STK32B: variants seen among roughly 807,000 people sequenced by gnomAD.
STK32B encodes serine/threonine kinase 32B.
STK32B carries 43 observed loss-of-function variants against 52.6 expected under a neutral mutation model. That is an observed-to-expected ratio of 0.82 (90% CI 0.64 to 1.05). STK32B has a LOEUF of 1.05. STK32B is among the 50% of genes least tolerant of loss of function. The probability of loss-of-function intolerance (pLI) is 0.00; values close to 1 mark genes in which losing one functional copy is unlikely to be tolerated. For missense variants in STK32B, 621 were observed against 534.6 expected (o/e 1.16, Z -1.59); for synonymous variants, 238 against 204.3 (o/e 1.17, Z -1.41).
chr4:5,088,547 C>T (rs188254593), intron 1 of STK32B, among the ~76,000 whole-genome samples: 38 of 151,958 alleles, frequency 2.5e-4, no homozygotes, highest in African/African-American at 8.2e-4. Context: ...AGTATTTGAT[C>T]GTACAATAGG....
intron 1 of STK32B, among the ~76,000 whole-genome samples, chr4:5,118,330 A>G (rs1298081241): frequency 6.6e-6 from 1 of 152,108 alleles, no homozygotes; most frequent in Non-Finnish European, 1.5e-5. Flanking sequence ...TAGGTAATCC[A>G]GTTTTGACTG....
chr4:5,239,522 C>T, intron 3 of STK32B, among the ~76,000 whole-genome samples: 1 of 152,046 alleles, frequency 6.6e-6, no homozygotes, highest in Non-Finnish European at 1.5e-5. Flanking sequence ...CTGGCTCTCC[C>T]TAAGCATGCG....
chr4:5,140,231 G>A, intron 2 of STK32B: 1 of 1,461,268 alleles, frequency 6.8e-7, no homozygotes, highest in East Asian at 2.9e-5. Flanking sequence ...GAGAATCTAA[G>A]TGAGGAAAGT....
At chr4:5,080,020 AC>A (rs1712319486) in intron 1 of STK32B, among the ~76,000 whole-genome samples, 1 of 148,296 alleles carries the variant, frequency 6.7e-6, no homozygotes, top group Admixed American at 6.9e-5. Context: ...ATAAGATCAA[AC>A]CGTTCTGGAG....
At chr4:5,430,689 T>A (rs2654501) in intron 6 of STK32B, among the ~76,000 whole-genome samples, 1 of 135,332 alleles carries the variant, frequency 7.4e-6, no homozygotes, top group Non-Finnish European at 1.6e-5. Flanking sequence ...TTTACTACTA[T>A]GCTTTTAGTT....
rs936701041 is a variant in STK32B at position 5,470,955 on chromosome 4, C to T, written c.1106+2885C>T. On this transcript the variant is annotated intron_variant, in intron 11 of 11. Coordinates refer to ENST00000282908, the MANE Select transcript of STK32B (RefSeq NM_018401.3). This position sits in a 1 kb window ranked among gnomAD's most constrained non-coding sequence, Gnocchi z 4.6. ...AAGCCAGGCTTGTCGTCATGCTCCG[C>T]CTGGACCACGTCCCCGGTCCCCAGC... Among the ~76,000 whole-genome samples, 2 of 152,230 alleles carry T rather than the reference C, an allele frequency of 1.3e-5. No homozygotes were observed. The highest frequency in any genetic ancestry group is 2.1e-4 in the South Asian group (1 of 4,832).
intron 5 of STK32B, among the ~76,000 whole-genome samples, chr4:5,412,788 T>A (rs1711804785): frequency 6.6e-6 from 1 of 152,190 alleles, no homozygotes; most frequent in African/African-American, 2.4e-5. Context: ...GGTTGCATTT[T>A]CCCCCTCTTT....
intron 3 of STK32B, among the ~76,000 whole-genome samples, chr4:5,171,346 C>T (rs1336247639): frequency 6.6e-6 from 1 of 151,762 alleles, no homozygotes; most frequent in Non-Finnish European, 1.5e-5. Context: ...CTTTTGTTGC[C>T]ATTGCTTTTG....
intron 4 of STK32B, among the ~76,000 whole-genome samples, chr4:5,391,401 G>A (rs901174558): frequency 6.6e-6 from 1 of 152,144 alleles, no homozygotes; most frequent in African/African-American, 2.4e-5. Context: ...CTATTTGCTG[G>A]CACATATAGA....
intron 3 of STK32B, among the ~76,000 whole-genome samples, chr4:5,197,139 AGGACAATAGGGAG>A (rs367665165): frequency 5.3e-4 from 81 of 152,342 alleles, no homozygotes; most frequent in African/African-American, 1.9e-3. Flanking sequence ...TGAATGAAGA[AGGACAATAGGGAG>A]GGACAATAGG....
intron 5 of STK32B, among the ~76,000 whole-genome samples, chr4:5,415,340 G>A (rs1250953002): frequency 6.6e-6 from 1 of 152,112 alleles, no homozygotes; most frequent in Non-Finnish European, 1.5e-5. Flanking sequence ...GAAGCCCAGG[G>A]AGATTAAATT....
Position 5,231,221 on chromosome 4 carries a change from C to G in STK32B, c.260+62771C>G, listed in dbSNP as rs140558162. Among the ~76,000 whole-genome samples, 442 of 152,298 alleles carry G rather than the reference C, an allele frequency of 2.9e-3. 4 individuals carry two copies. Among genetic ancestry groups the G allele is most frequent in the African/African-American group, 0.01 (424 of 41,580 alleles). On this transcript the variant is annotated intron_variant, in intron 3 of 11. Coordinates refer to ENST00000282908, the MANE Select transcript of STK32B (RefSeq NM_018401.3). ...CCTGGAGCTCCAAGAGGGAAGAGATCGTACATGTCTTCTTCTATGCTCTGG... is the reference window on the plus strand; with the variant it reads ...CCTGGAGCTCCAAGAGGGAAGAGATGGTACATGTCTTCTTCTATGCTCTGG...
At chr4:5,347,484 G>A (rs1162334110) in intron 4 of STK32B, among the ~76,000 whole-genome samples, 2 of 152,184 alleles carry the variant, frequency 1.3e-5, no homozygotes, top group African/African-American at 4.8e-5. Context: ...TTGAGATGGA[G>A]GAGATTATCC....
intron 2 of STK32B, among the ~76,000 whole-genome samples, chr4:5,157,379 A>G (rs1577117345): frequency 6.6e-6 from 1 of 152,078 alleles, no homozygotes; most frequent in South Asian, 2.1e-4. Context: ...GCAGACTGAC[A>G]TATAAACAAT....
Position 5,168,436 on chromosome 4 carries a change from C to G in STK32B, c.246C>G (p.Phe82Leu). ...TCATGCAAGGGCTGGAGCACCCCTT[C>G]CTGGTCAATCTGTGGTGAGTGTGGC... Reference protein sequence around the residue: ...LQIMQGLEHPFLVNLWYSFQD... With the variant: ...LQIMQGLEHPLLVNLWYSFQD... The change falls in exon 3 of 12, where the codon TTC becomes TTG. Residue 82 changes from phenylalanine to leucine, a missense_variant. By Grantham distance (22) the Phe-to-Leu change is conservative. Transcript: ENST00000282908. 2 of 1,613,332 alleles carry G rather than the reference C, an allele frequency of 1.2e-6. No homozygotes were observed. The highest frequency in any genetic ancestry group is 8.5e-7 in the Non-Finnish European group (1 of 1,179,718).
intron 11 of STK32B, among the ~76,000 whole-genome samples, chr4:5,482,574 T>A (rs531255526): frequency 1.3e-5 from 2 of 152,326 alleles, no homozygotes; most frequent in Admixed American, 1.3e-4. Flanking sequence ...GAATACCCTT[T>A]TATTTCTTTA....
intron 3 of STK32B, among the ~76,000 whole-genome samples, chr4:5,324,503 G>C (rs1015074558): frequency 6.6e-6 from 1 of 152,170 alleles, no homozygotes; most frequent in African/African-American, 2.4e-5. Flanking sequence ...AGGAGGGAGC[G>C]TCAGTCTTAA....
chr4:5,080,276 C>T (rs1380418214), intron 1 of STK32B, among the ~76,000 whole-genome samples: 1 of 152,180 alleles, frequency 6.6e-6, no homozygotes, highest in Non-Finnish European at 1.5e-5. Flanking sequence ...CCGTCACTCT[C>T]TTGTGTATAC....
chr4:5,369,031 G>C (rs1231541170), intron 4 of STK32B, among the ~76,000 whole-genome samples: 1 of 152,000 alleles, frequency 6.6e-6, no homozygotes, highest in African/African-American at 2.4e-5. Context: ...CACAATCCCT[G>C]CCTCCCTTGC....
Sources: gnomAD v4.1 joint callset for allele counts (sites outside exome capture counted in the v4.1 genomes callset) on GRCh38, gnomAD v4.1.1 for gene constraint, Gnocchi (gnomAD v3.1) non-coding constraint, MANE v1.5 for transcripts, NCBI Gene and HGNC (gene_info 2026-07-23, HGNC 2026-07-21) for gene names.